BRCA2: variants seen among roughly 807,000 people sequenced by gnomAD.
BRCA2 encodes the protein BRCA2 DNA repair associated.
In BRCA2, 203 loss-of-function variants were observed where a neutral mutation model predicts 276.7. That is an observed-to-expected ratio of 0.73 (90% CI 0.65 to 0.82). The LOEUF (loss-of-function observed/expected upper bound fraction) is 0.82, where lower values mean the gene tolerates loss of function less well. Among genes scored for constraint, BRCA2 ranks in the 40% least tolerant of loss-of-function variants. BRCA2 has a pLI of 0.00. For missense variants in BRCA2, 3,920 were observed against 3,915.0 expected (o/e 1.00, Z -0.03); for synonymous variants, 1,289 against 1,338.4 (o/e 0.96, Z 0.81).
chr13:32,367,500 T>A (rs1278579093), intron 18 of BRCA2, among the ~76,000 whole-genome samples: 2 of 151,650 alleles, frequency 1.3e-5, no homozygotes, highest in Non-Finnish European at 2.9e-5. Flanking sequence ...TAACTTCTAT[T>A]CTCATTGTTT....
chr13:32,351,858 G>A (rs2072653889), intron 13 of BRCA2, among the ~76,000 whole-genome samples: 1 of 151,942 alleles, frequency 6.6e-6, no homozygotes, highest in African/African-American at 2.4e-5. Context: ...CTGGAGTACA[G>A]TGGCACGATC....
chr13:32,373,021 CT>C (rs2137604882), intron 20 of BRCA2, among the ~76,000 whole-genome samples: 1 of 150,034 alleles, frequency 6.7e-6, no homozygotes, highest in African/African-American at 2.4e-5. Context: ...GAGACAGGGT[CT>C]TGCTCTGTTG....
intron 18 of BRCA2, among the ~76,000 whole-genome samples, chr13:32,366,370 C>G (rs1035498058): frequency 6.6e-6 from 1 of 152,034 alleles, no homozygotes; most frequent in African/African-American, 2.4e-5. Context: ...TACTCTTTTA[C>G]GTATATTTGT....
Position 32,365,109 on chromosome 13 carries a change from C to CTTTTT in BRCA2, c.8331+1600_8331+1604dup, listed in dbSNP as rs57551462. On this transcript the variant is annotated intron_variant, in intron 18 of 26. Coordinates refer to ENST00000380152, the MANE Select transcript of BRCA2 (RefSeq NM_000059.4). ...TAGCTCCTGCTAATTGCAGTGCATTCTTTTTTTTTTTTTTTTTTTTTTTTT... is the reference window on the plus strand; with the variant it reads ...TAGCTCCTGCTAATTGCAGTGCATTCTTTTTTTTTTTTTTTTTTTTTTTTTTTTTT... Among the ~76,000 whole-genome samples, 62 of 64,480 alleles carry CTTTTT rather than the reference C, an allele frequency of 9.6e-4. 4 individuals are homozygous for CTTTTT. The highest frequency in any genetic ancestry group is 1.3e-3 in the Non-Finnish European group (49 of 37,694). 42.3% of individuals were successfully genotyped at this position (64,480 alleles called of 152,430 possible).
chr13:32,317,747 A>G (rs1566215150), intron 2 of BRCA2, among the ~76,000 whole-genome samples: 1 of 152,236 alleles, frequency 6.6e-6, no homozygotes, highest in African/African-American at 2.4e-5. Context: ...GAAAGTTCAC[A>G]TTTTGTCATT....
chr13:32,351,241 G>T (rs2072648327), intron 13 of BRCA2, among the ~76,000 whole-genome samples: 1 of 152,100 alleles, frequency 6.6e-6, no homozygotes, highest in African/African-American at 2.4e-5. Flanking sequence ...AAGGTCTGCG[G>T]CTTCACTCCT....
intron 10 of BRCA2, among the ~76,000 whole-genome samples, chr13:32,335,445 A>C (rs1211965564): frequency 6.6e-6 from 1 of 152,180 alleles, no homozygotes; most frequent in Non-Finnish European, 1.5e-5. Flanking sequence ...TTAACAGAGC[A>C]GTTGAACTCA....
intron 24 of BRCA2, chr13:32,384,605 T>C: frequency 1.0e-5 from 2 of 196,964 alleles, no homozygotes; most frequent in Middle Eastern, 1.0e-3. Flanking sequence ...GAGGCCTAGA[T>C]GTCAGAGGAG....
chr13:32,336,515 T>A lies in BRCA2; in HGVS notation c.2160T>A (p.Asp720Glu). The change falls in exon 11 of 27, where the codon GAT (aspartate) becomes GAA (glutamate). Residue 720 changes from aspartate to glutamate, a missense_variant. Asp to Glu is a conservative substitution (Grantham distance 45, BLOSUM62 2). This residue lies in a region of BRCA2 where 3,263 missense variants were observed against 3,156.9 expected (regional missense o/e 1.03). Coordinates refer to ENST00000380152, the MANE Select transcript of BRCA2 (RefSeq NM_000059.4). The stretch of plus-strand genomic sequence containing the variant: ...TGCAGGAAGGACAGTGTGAAAATGA[T>A]CCAAAAAGCAAAAAAGTTTCAGATA... Reference protein sequence around the residue: ...SCLQEGQCENDPKSKKVSDIK... With the variant: ...SCLQEGQCENEPKSKKVSDIK... 1.2e-6 allele frequency: 2 copies of A among 1,613,994 alleles called. No individual in the cohort carries two copies. The highest frequency in any genetic ancestry group is 2.2e-5 in the South Asian group (2 of 91,060).
intron 18 of BRCA2, 65 bp downstream of exon 18, chr13:32,363,598 A>T: frequency 6.9e-7 from 1 of 1,441,980 alleles, no homozygotes; most frequent in Non-Finnish European, 9.6e-7. Flanking sequence ...GAAGTTTTAC[A>T]TTTAAATTTT....
Position 32,379,373 on chromosome 13 carries a change from T to C in BRCA2, c.8811T>C (p.Asn2937=). 1 of 1,613,870 alleles carries C rather than the reference T, an allele frequency of 6.2e-7. No individual in the cohort carries two copies. The highest frequency in any genetic ancestry group is 8.5e-7 in the Non-Finnish European group (1 of 1,179,878). The change falls in exon 22 of 27, where the codon AAT becomes AAC. Residue 2937 remains asparagine, a synonymous_variant. Transcript: ENST00000380152. ...RALNNHRQML[N]DKKQAQIQLE... is the part of the protein sequence containing the mutation. ...TGAATAATCACAGGCAAATGTTGAA[T>C]GATAAGAAACAAGCTCAGATCCAGT...
chr13:32,368,618 A>C (rs2072804054), intron 18 of BRCA2, among the ~76,000 whole-genome samples: 1 of 151,450 alleles, frequency 6.6e-6, no homozygotes, highest in Non-Finnish European at 1.5e-5. Context: ...GTTGTATGTG[A>C]GGTGAGGCTT....
At position 32,341,012 on chromosome 13, in the gene BRCA2, A is replaced by G. The variant is rs1555284783; in HGVS notation, c.6657A>G (p.Ser2219=). Residue 2219 remains serine, a synonymous_variant, in exon 11 of 27, where the codon TCA becomes TCG. Transcript: ENST00000380152. ...IEVCSTYSKD[S]ENYFETEAVE... ...TTTGTTCTACTTACTCCAAAGATTC[A>G]GAAAACTACTTTGAAACAGAAGCAG... is the stretch of plus-strand genomic sequence containing the variant. 2.5e-6 allele frequency: 4 copies of G among 1,612,960 alleles called. No homozygotes were observed. The highest frequency in any genetic ancestry group is 3.4e-6 in the Non-Finnish European group (4 of 1,179,732).
At chr13:32,327,982 G>A (rs1297747070) in intron 7 of BRCA2, among the ~76,000 whole-genome samples, 1 of 151,542 alleles carries the variant, frequency 6.6e-6, no homozygotes, top group African/African-American at 2.4e-5. Context: ...GATGGGTCCC[G>A]CCATGTTGCC....
At chr13:32,342,009 T>G (rs1429033250) in intron 11 of BRCA2, among the ~76,000 whole-genome samples, 1 of 152,022 alleles carries the variant, frequency 6.6e-6, no homozygotes, top group Admixed American at 6.6e-5. Context: ...GTGGCGCTCA[T>G]GCCTGTAATC....
Position 32,337,165 on chromosome 13 carries a change from A to C in BRCA2, c.2810A>C (p.Gln937Pro), listed in dbSNP as rs730881516. 27 of 1,613,868 alleles carry C rather than the reference A, an allele frequency of 1.7e-5. No homozygotes were observed. The highest frequency in any genetic ancestry group is 2.3e-5 in the Non-Finnish European group (27 of 1,179,880). ...MVLYGDTGDK[Q>P]ATQVSIKKDL... ...TTATATGGAGACACAGGTGATAAAC[A>C]AGCAACCCAAGTGTCAATTAAAAAA... Residue 937 changes from glutamine to proline, a missense_variant, in exon 11 of 27, where the codon CAA becomes CCA. By Grantham distance (76) the Gln-to-Pro change is moderately conservative (BLOSUM62 -1). Transcript: ENST00000380152.
rs55969723 is a variant in BRCA2 at position 32,338,542 on chromosome 13, A to T, written c.4187A>T (p.Gln1396Leu). 1 of 1,603,724 alleles carries T rather than the reference A, an allele frequency of 6.2e-7. No individual in the cohort carries two copies. Among genetic ancestry groups the T allele is most frequent in the Middle Eastern group, 1.7e-4 (1 of 6,006 alleles). Reference sequence around the variant, plus strand: ...ACTTTTTTGGAAGTTGCGAAAGCTCAAGAAGCATGTCATGGTAATACTTCA... The same window carrying T: ...ACTTTTTTGGAAGTTGCGAAAGCTCTAGAAGCATGTCATGGTAATACTTCA... ...DLTFLEVAKA[Q>L]EACHGNTSNK... The change falls in exon 11 of 27, where the codon CAA becomes CTA. Residue 1396 changes from glutamine to leucine, a missense_variant. Physicochemically the swap from Gln to Leu is moderately radical, Grantham distance 113. Coordinates refer to ENST00000380152, the MANE Select transcript of BRCA2 (RefSeq NM_000059.4).
intron 21 of BRCA2, among the ~76,000 whole-genome samples, chr13:32,378,912 T>A (rs969845710): frequency 6.6e-6 from 1 of 152,184 alleles, no homozygotes; most frequent in Non-Finnish European, 1.5e-5. Context: ...TTGTGCAAAT[T>A]AGTTGTCCCC....
In BRCA2 at chr13:32,337,935, G is replaced by A. The variant is rs2137498023; in HGVS notation, c.3580G>A (p.Gly1194Ser). Residue 1194 changes from glycine (G) to serine (S), a missense_variant, in exon 11 of 27, where the codon GGC (glycine) becomes AGC (serine). Coordinates refer to ENST00000380152, the MANE Select transcript of BRCA2 (RefSeq NM_000059.4). ...AGTTGAAATTAAACGGAAGTTTGCT[G>A]GCCTGTTGAAAAATGACTGTAACAA... ...GTVEIKRKFA[G>S]LLKNDCNKSA... The A allele has an allele frequency of 6.2e-7, 1 of 1,614,024 alleles. No homozygotes were observed. Among genetic ancestry groups the A allele is most frequent in the African/African-American group, 1.3e-5 (1 of 75,034 alleles).
Sources: gnomAD v4.1 joint callset for allele counts (sites outside exome capture counted in the v4.1 genomes callset) on GRCh38, gnomAD v4.1.1 for gene constraint, gnomAD v4.1.1 regional missense constraint, MANE v1.5 for transcripts, NCBI Gene and HGNC (gene_info 2026-07-23, HGNC 2026-07-21) for gene names.